Variants in ADK observed in about 807,000 individuals in gnomAD.
ADK encodes the protein adenosine kinase.
ADK carries 24 observed loss-of-function variants against 44.7 expected under a neutral mutation model. The observed-to-expected ratio is 0.54, with a 90% CI of 0.39 to 0.76. ADK has a LOEUF of 0.76. Among genes scored for constraint, ADK ranks in the 30% least tolerant of loss-of-function variants. The pLI, the probability that ADK is intolerant of heterozygous loss-of-function variation, is 0.00. For synonymous variants in ADK, 128 were observed against 142.6 expected, an observed-to-expected ratio of 0.90 and a Z score of 0.73; for missense variants, 321 against 425.1, an observed-to-expected ratio of 0.76 and a Z score of 2.15.
At chr10:74,628,669 G>A (rs1486841634) in intron 9 of ADK, among the ~76,000 whole-genome samples, 2 of 152,060 alleles carry the variant, frequency 1.3e-5, no homozygotes, top group Non-Finnish European at 2.9e-5. Context: ...ATACAACCAA[G>A]ATATTGTGTG....
chr10:74,271,481 A>G (rs912036522), intron 3 of ADK, among the ~76,000 whole-genome samples: 5 of 149,898 alleles, frequency 3.3e-5, no homozygotes, highest in Non-Finnish European at 4.4e-5. Context: ...TTACACATGT[A>G]TACATGTGCC....
At chr10:74,265,090 G>A (rs1169748128) in intron 3 of ADK, among the ~76,000 whole-genome samples, 1 of 151,964 alleles carries the variant, frequency 6.6e-6, no homozygotes, top group Non-Finnish European at 1.5e-5. Context: ...ACAGTTGTGA[G>A]CAACCACACC....
chr10:74,239,715 CAAAAAAAAAAAA>C (rs61022417), intron 3 of ADK, among the ~76,000 whole-genome samples: 1 of 85,050 alleles, frequency 1.2e-5, no homozygotes, highest in Admixed American at 1.4e-4. Context: ...GACCTTGTCT[CAAAAAAAAAAAA>C]AAAAAAAAAA....
intron 3 of ADK, among the ~76,000 whole-genome samples, chr10:74,232,164 A>T (rs1844790601): frequency 6.6e-6 from 1 of 152,136 alleles, no homozygotes; most frequent in Non-Finnish European, 1.5e-5. Context: ...AACTTCTATG[A>T]AATTTTTATA....
At chr10:74,674,117 A>G (rs1855294424) in intron 10 of ADK, among the ~76,000 whole-genome samples, 1 of 152,112 alleles carries the variant, frequency 6.6e-6, no homozygotes, top group South Asian at 2.1e-4. Context: ...GGGCCATGGT[A>G]TTAGGCTTTT....
chr10:74,394,360 C>G (rs1182243565), intron 5 of ADK, 47 bp downstream of exon 5: 3 of 1,568,002 alleles, frequency 1.9e-6, no homozygotes, highest in Non-Finnish European at 2.6e-6. Context: ...GCTATTTTAA[C>G]ACTGGTAAAA....
intron 3 of ADK, among the ~76,000 whole-genome samples, chr10:74,227,842 C>CA (rs1418814070): frequency 1.3e-5 from 2 of 150,060 alleles, no homozygotes; most frequent in East Asian, 1.9e-4. Context: ...GACTCTGTCT[C>CA]AAAAAAAAGA....
intron 4 of ADK, chr10:74,371,531 CA>C: frequency 1.0e-6 from 1 of 980,948 alleles, no homozygotes; most frequent in Non-Finnish European, 1.6e-6. Flanking sequence ...CGAAACTTTT[CA>C]CCATGTCTGG....
At chr10:74,338,994 C>T (rs568761340) in intron 4 of ADK, among the ~76,000 whole-genome samples, 6 of 152,222 alleles carry the variant, frequency 3.9e-5, no homozygotes, top group African/African-American at 1.4e-4. Flanking sequence ...GTTCCATTTC[C>T]CAGGCTGGAG....
At chr10:74,509,160 A>C (rs1022251941) in intron 6 of ADK, among the ~76,000 whole-genome samples, 25 of 152,110 alleles carry the variant, frequency 1.6e-4, no homozygotes, top group African/African-American at 5.8e-4. Context: ...AATAATTTAC[A>C]AATAATAATT....
Position 74,426,052 on chromosome 10 carries a change from T to C in ADK, c.555+27473T>C, listed in dbSNP as rs549763821. Among the ~76,000 whole-genome samples the C allele has an allele frequency of 2.6e-5, 4 of 152,312 alleles. No homozygotes were observed. The South Asian group carries it at 8.3e-4, about 32-fold the overall frequency. On this transcript the variant is annotated intron_variant, in intron 6 of 10. Transcript: ENST00000539909. ...AAATAGAGAAAAGTACAGAGAATATTAAAACACCCATAATCCTATCATATA... is the reference window on the plus strand; with the variant it reads ...AAATAGAGAAAAGTACAGAGAATATCAAAACACCCATAATCCTATCATATA...
chr10:74,690,368 C>T (rs1042497040), intron 10 of ADK, among the ~76,000 whole-genome samples: 8 of 152,200 alleles, frequency 5.3e-5, no homozygotes, highest in Non-Finnish European at 7.3e-5. Flanking sequence ...TGGTGGCACA[C>T]ACCTGTGGTC....
intron 6 of ADK, among the ~76,000 whole-genome samples, chr10:74,462,538 C>T (rs866422589): frequency 2.2e-4 from 33 of 152,226 alleles, no homozygotes; most frequent in Middle Eastern, 6.8e-3. Flanking sequence ...TATTTCATAT[C>T]TGGTTTTTAA....
At position 74,660,729 on chromosome 10, in the gene ADK, CA is replaced by C. The variant is rs747443907; in HGVS notation, c.878-9434del. ...AGGGTGACAAAGTGAGACCCTGTCT[CA>C]AAAAAAAAAAAAAAAAAAAGAGGCC... On this transcript the variant is annotated intron_variant, in intron 9 of 10. Coordinates refer to ENST00000539909, the MANE Select transcript of ADK (RefSeq NM_006721.4). 4.8e-4 allele frequency among the ~76,000 whole-genome samples: 45 copies of C among 92,846 alleles called. No homozygotes were observed. In the East Asian group the frequency reaches 9.1e-3, roughly 19 times the overall value. 60.9% of individuals were successfully genotyped at this position (92,846 alleles called of 152,430 possible).
At chr10:74,708,208 T>G in intron 10 of ADK, 113 bp from the exon 11 acceptor site, 1 of 1,202,956 alleles carries the variant, frequency 8.3e-7, no homozygotes, top group South Asian at 1.2e-5. Context: ...TTTCTCTTAC[T>G]GTCAAGGCTG....
intron 1 of ADK, among the ~76,000 whole-genome samples, chr10:74,156,845 G>A (rs970985883): frequency 1.9e-4 from 29 of 152,188 alleles, no homozygotes; most frequent in Non-Finnish European, 2.8e-4. Context: ...AGAGGGAAAC[G>A]CAGCAATTAA....
intron 9 of ADK, among the ~76,000 whole-genome samples, chr10:74,607,739 G>A (rs184306254): frequency 1.3e-5 from 2 of 152,232 alleles, no homozygotes; most frequent in East Asian, 3.9e-4. Flanking sequence ...GAGTATCTTT[G>A]TGGTGTTCTC....
At chr10:74,686,986 A>G (rs902416605) in intron 10 of ADK, among the ~76,000 whole-genome samples, 3 of 152,238 alleles carry the variant, frequency 2.0e-5, no homozygotes, top group Non-Finnish European at 2.9e-5. Flanking sequence ...GTTACTTAAC[A>G]TCTCTAAGCC....
intron 9 of ADK, among the ~76,000 whole-genome samples, chr10:74,614,008 A>G (rs756134411): frequency 6.6e-6 from 1 of 152,164 alleles, no homozygotes; most frequent in Non-Finnish European, 1.5e-5. Context: ...TTTCTCACCT[A>G]TGAATGTAAG....
Sources: gnomAD v4.1 joint callset for allele counts (sites outside exome capture counted in the v4.1 genomes callset) on GRCh38, gnomAD v4.1.1 for gene constraint, MANE v1.5 for transcripts, NCBI Gene and HGNC (gene_info 2026-07-23, HGNC 2026-07-21) for gene names.